Variants in DNAAF8 observed in about 807,000 individuals in gnomAD.
DNAAF8 encodes dynein axonemal-associated protein 1.
In DNAAF8, 61 loss-of-function variants were observed where a neutral mutation model predicts 54.6. That is an observed-to-expected ratio of 1.12 (90% CI 0.91 to 1.38). The LOEUF (loss-of-function observed/expected upper bound fraction) is 1.38. DNAAF8 is among the 40% of genes most tolerant of loss of function. The pLI, the probability that DNAAF8 is intolerant of heterozygous loss-of-function variation, is 0.00. For missense variants in DNAAF8, 837 were observed against 665.0 expected, an observed-to-expected ratio of 1.26 and a Z score of -2.85; for synonymous variants, 320 against 270.1, an observed-to-expected ratio of 1.18 and a Z score of -1.81.
intron 4 of DNAAF8, among the ~76,000 whole-genome samples, chr16:4,742,514 C>T (rs886333603): frequency 6.7e-6 from 1 of 148,946 alleles, no homozygotes; most frequent in African/African-American, 2.5e-5. Context: ...CGAGACCAGC[C>T]TGGCCAACAT....
At chr16:4,735,430 C>G (rs1334019178) in intron 1 of DNAAF8, among the ~76,000 whole-genome samples, 1 of 152,088 alleles carries the variant, frequency 6.6e-6, no homozygotes, top group East Asian at 1.9e-4. Context: ...ACATCTCCTG[C>G]CGCTGCCCTG....
intron 9 of DNAAF8, 111 bp from the exon 10 acceptor site, chr16:4,748,614 C>G (rs1043667437): frequency 5.9e-5 from 9 of 152,466 alleles, no homozygotes; most frequent in African/African-American, 2.2e-4. Context: ...TTCCTGGGTC[C>G]TGTTCCTTTG....
chr16:4,741,272 A>AC (rs2081958768), intron 4 of DNAAF8, among the ~76,000 whole-genome samples: 1 of 147,466 alleles, frequency 6.8e-6, no homozygotes, highest in South Asian at 2.1e-4. Flanking sequence ...AAACAAAGAA[A>AC]GAAAGAATGT....
In DNAAF8 at chr16:4,740,383, G is replaced by A. The variant is rs2081947253; in HGVS notation, c.507G>A (p.Gln169=). 6.2e-7 allele frequency: 1 copy of A among 1,613,734 alleles called. No homozygotes were observed. The highest frequency in any genetic ancestry group is 1.3e-5 in the African/African-American group (1 of 74,916). Residue 169 remains glutamine (Q), a synonymous_variant, in exon 4 of 10, where the codon CAG becomes CAA. Coordinates refer to ENST00000299320, the MANE Select transcript of DNAAF8 (RefSeq NM_139170.3). ...CCCAGGGTCCTCCCTGGGACCCACA[G>A]GCCGAAGCCACTCTCTCCTGCCATG... ...KGSQGPPWDP[Q]AEATLSCHEG...
At chr16:4,736,273 G>C (rs1210977843) in intron 1 of DNAAF8, among the ~76,000 whole-genome samples, 191 bp from the exon 2 acceptor site, 1 of 128,092 alleles carries the variant, frequency 7.8e-6, no homozygotes, top group Non-Finnish European at 1.7e-5. Flanking sequence ...ATGTGTGCAT[G>C]AGTGGGAACA....
At chr16:4,739,265 G>GGTTTTTTTTTTTTTTTTTTTTTTTT (rs1555482695) in intron 3 of DNAAF8, among the ~76,000 whole-genome samples, 5 of 69,030 alleles carry the variant, frequency 7.2e-5, no homozygotes, top group Non-Finnish European at 1.3e-4. Context: ...ATTTTTTCTT[G>GGTTTTTTTTTTTTTTTTTTTTTTTT]TTTTTTTTTT....
At chr16:4,742,604 C>T (rs2081970537) in intron 4 of DNAAF8, among the ~76,000 whole-genome samples, 1 of 150,892 alleles carries the variant, frequency 6.6e-6, no homozygotes, top group African/African-American at 2.4e-5. Flanking sequence ...CCTGTAATTC[C>T]AGCTACTTGG....
rs375159391 is a variant in DNAAF8, at chr16:4,740,409, A to T, written c.533A>T (p.Glu178Val). ...GCCGAAGCCACTCTCTCCTGCCATGAAGGAGACCCAAAGGCAGAGCCCCTC... is the reference window on the plus strand; with the variant it reads ...GCCGAAGCCACTCTCTCCTGCCATGTAGGAGACCCAAAGGCAGAGCCCCTC... ...PQAEATLSCH[E>V]GDPKAEPLST... The change falls in exon 4 of 10, where the codon GAA becomes GTA. Residue 178 changes from glutamate to valine, a missense_variant. Glu to Val is a moderately radical substitution (Grantham distance 121, BLOSUM62 -2). Transcript: ENST00000299320. 8 of 1,613,880 alleles carry T rather than the reference A, an allele frequency of 5.0e-6. No homozygotes were observed. The highest frequency in any genetic ancestry group is 6.8e-6 in the Non-Finnish European group (8 of 1,180,004).
chr16:4,746,324 C>T, intron 6 of DNAAF8, 51 bp from the exon 7 acceptor site: 1 of 1,560,874 alleles, frequency 6.4e-7, no homozygotes, highest in Non-Finnish European at 8.7e-7. Context: ...GCGCAGGTCA[C>T]AGAGTTATCA....
intron 6 of DNAAF8, chr16:4,746,138 C>A: frequency 2.2e-6 from 1 of 459,186 alleles, no homozygotes; most frequent in Admixed American, 3.9e-5. Context: ...CAAGTGGCTA[C>A]ACTTACCACA....
rs760986790 is a variant in DNAAF8 at position 4,740,276 on chromosome 16, A to G, written c.400A>G (p.Ser134Gly). Residue 134 changes from serine (S) to glycine (G), a missense_variant, in exon 4 of 10, where the codon AGC (serine) becomes GGC (glycine). Ser to Gly is a moderately conservative substitution (Grantham distance 56, BLOSUM62 0). Transcript: ENST00000299320. ...GRPFESSGEV[S>G]ALLGMAEEPP... Reference sequence around the variant, plus strand: ...GCCTTTTGAAAGCTCTGGTGAGGTCAGCGCTCTTCTTGGGATGGCCGAGGA... The same window carrying G: ...GCCTTTTGAAAGCTCTGGTGAGGTCGGCGCTCTTCTTGGGATGGCCGAGGA... 11 of 1,614,036 alleles carry G rather than the reference A, an allele frequency of 6.8e-6. No individual in the cohort carries two copies. The highest frequency in any genetic ancestry group is 6.7e-5 in the Admixed American group (4 of 60,010).
chr16:4,736,284 C>G (rs2081899362), intron 1 of DNAAF8, among the ~76,000 whole-genome samples, 180 bp from the exon 2 acceptor site: 2 of 106,952 alleles, frequency 1.9e-5, no homozygotes, highest in Non-Finnish European at 4.3e-5. Flanking sequence ...AGTGGGAACA[C>G]ACACACACAC....
At chr16:4,743,296 A>G (rs997687513) in intron 5 of DNAAF8, 136 bp downstream of exon 5, 3 of 608,984 alleles carry the variant, frequency 4.9e-6, no homozygotes, top group Non-Finnish European at 8.4e-6. Flanking sequence ...GCCCCGCCCT[A>G]AACACTCATG....
chr16:4,746,723 T>C, intron 7 of DNAAF8: 1 of 789,852 alleles, frequency 1.3e-6, no homozygotes. Context: ...GGCTGGGCTC[T>C]ATGCAATAGA....
chr16:4,737,382 C>G (rs1434619775), intron 2 of DNAAF8, among the ~76,000 whole-genome samples: 1 of 152,114 alleles, frequency 6.6e-6, no homozygotes, highest in Non-Finnish European at 1.5e-5. Flanking sequence ...AGTATGAGCC[C>G]CAACCCCTTC....
intron 1 of DNAAF8, 34 bp from the exon 2 acceptor site, chr16:4,736,430 C>G (rs953970733): frequency 1.3e-5 from 18 of 1,363,316 alleles, no homozygotes; most frequent in Non-Finnish European, 1.6e-5. Flanking sequence ...TTCAGTGGCC[C>G]GGACCCTCTT....
rs1241016436 is a variant in DNAAF8 at position 4,742,570 on chromosome 16, A to AG, written c.784-473_784-472insG. ...AAAAATACAAAAAAAAAAAAAAAAA[A>AG]AATGAAGGGTGTGGTGGCGCATGCC... is the stretch of plus-strand genomic sequence containing the variant. On this transcript the variant is annotated intron_variant, in intron 4 of 9. Transcript: ENST00000299320. Among the ~76,000 whole-genome samples, 14 of 151,868 alleles carry AG rather than the reference A, an allele frequency of 9.2e-5. No individual in the cohort carries two copies. In the South Asian group the frequency reaches 2.9e-3, roughly 32 times the overall value.
chr16:4,735,202 A>G (rs2081866514), intron 1 of DNAAF8: 1 of 152,276 alleles, frequency 6.6e-6, no homozygotes, highest in Non-Finnish European at 1.5e-5. Flanking sequence ...TGTCCGCCTG[A>G]AGGGTTTATC....
At chr16:4,748,415 G>C (rs1422286130) in intron 9 of DNAAF8, 2 of 152,118 alleles carry the variant, frequency 1.3e-5, no homozygotes, top group African/African-American at 4.8e-5. Context: ...CTTTACCTAA[G>C]ATAGAAAGGC....
Sources: allele counts gnomAD v4.1 joint callset (sites outside exome capture counted in the v4.1 genomes callset), GRCh38; gene constraint gnomAD v4.1.1; transcripts MANE v1.5; gene names NCBI Gene and HGNC (gene_info 2026-07-23, HGNC 2026-07-21).